TMEM229B: variants seen among roughly 807,000 people sequenced by gnomAD.
TMEM229B encodes the protein chromosome 14 open reading frame 83.
TMEM229B carries 6 observed loss-of-function variants against 13.7 expected under a neutral mutation model. The observed-to-expected ratio is 0.44, with a 90% CI of 0.24 to 0.86. The LOEUF is 0.86. Among genes scored for constraint, TMEM229B ranks in the 40% least tolerant of loss-of-function variants. The probability of loss-of-function intolerance (pLI) is 0.23; values close to 1 mark genes in which losing one functional copy is unlikely to be tolerated. For synonymous variants in TMEM229B, 107 were observed against 102.1 expected (o/e 1.05, Z -0.29); for missense variants, 170 against 236.0 (o/e 0.72, Z 1.83).
chr14:67,514,705 T>C (rs1312558913), intron 1 of TMEM229B, among the ~76,000 whole-genome samples: 1 of 151,844 alleles, frequency 6.6e-6, no homozygotes, highest in East Asian at 1.9e-4. Flanking sequence ...GCCTCCTGGG[T>C]GCTCTCCGCC....
upstream of TMEM229B, among the ~76,000 whole-genome samples, chr14:67,516,287 T>C (rs902051110): frequency 7.2e-5 from 11 of 152,092 alleles, no homozygotes; most frequent in Non-Finnish European, 1.5e-4. Flanking sequence ...GGGGTGTCCT[T>C]TTGTCACTAA....
chr14:67,495,386 G>A (rs185760603), intron 1 of TMEM229B, among the ~76,000 whole-genome samples: 9 of 152,208 alleles, frequency 5.9e-5, no homozygotes, highest in East Asian at 1.9e-4. Flanking sequence ...GAGTGTATCC[G>A]TATATGTAGT....
At chr14:67,518,999 G>T (rs2033249965), upstream of TMEM229B, among the ~76,000 whole-genome samples, 1 of 152,210 alleles carries the variant, frequency 6.6e-6, no homozygotes, top group Admixed American at 6.5e-5. Flanking sequence ...AGCCAATCTT[G>T]AATCTGGAAT....
upstream of TMEM229B, among the ~76,000 whole-genome samples, chr14:67,517,799 C>T (rs1034563191): frequency 9.2e-5 from 14 of 152,272 alleles, no homozygotes; most frequent in African/African-American, 3.4e-4. Flanking sequence ...AATTAAGGCT[C>T]AGAGAGGTTG....
chr14:67,504,857 AT>A (rs2032760406), intron 1 of TMEM229B, among the ~76,000 whole-genome samples: 1 of 152,168 alleles, frequency 6.6e-6, no homozygotes, highest in Non-Finnish European at 1.5e-5. Flanking sequence ...TTGCACTCCA[AT>A]CAGGGCAACA....
intron 2 of TMEM229B, among the ~76,000 whole-genome samples, chr14:67,483,815 G>A (rs1206658999): frequency 6.6e-6 from 1 of 152,156 alleles, no homozygotes; most frequent in African/African-American, 2.4e-5. Flanking sequence ...GGGGCCAGCT[G>A]CCCAGAGGAG....
At chr14:67,479,382 GC>G (rs1435369051) in intron 2 of TMEM229B, among the ~76,000 whole-genome samples, 1 of 148,778 alleles carries the variant, frequency 6.7e-6, no homozygotes, top group Non-Finnish European at 1.5e-5. Context: ...CTGCACTCCA[GC>G]CTGGGCTACA....
chr14:67,522,131 C>T (rs940677122), intron 1 of TMEM229B, among the ~76,000 whole-genome samples: 2 of 152,172 alleles, frequency 1.3e-5, no homozygotes, highest in African/African-American at 4.8e-5. Flanking sequence ...TGAGATCGTG[C>T]CACTGCACTC....
At chr14:67,527,374 G>T (rs759097552) in intron 1 of TMEM229B, among the ~76,000 whole-genome samples, 1 of 152,128 alleles carries the variant, frequency 6.6e-6, no homozygotes, top group Non-Finnish European at 1.5e-5. Context: ...GGAGCCGGAG[G>T]TTGCAGTGAG....
At chr14:67,532,898 A>G (rs1340861534) in intron 1 of TMEM229B, among the ~76,000 whole-genome samples, 3 of 150,712 alleles carry the variant, frequency 2.0e-5, no homozygotes, top group African/African-American at 7.3e-5. Context: ...GTCCCCCGCT[A>G]TTTGGGGTCA....
At chr14:67,497,826 G>T (rs1173402167) in intron 1 of TMEM229B, among the ~76,000 whole-genome samples, 1 of 151,996 alleles carries the variant, frequency 6.6e-6, no homozygotes, top group Admixed American at 6.6e-5. Context: ...CCTGTATCTT[G>T]TGGGTGTTTG....
chr14:67,483,592 C>T (rs768347644), intron 2 of TMEM229B, among the ~76,000 whole-genome samples: 3 of 152,242 alleles, frequency 2.0e-5, no homozygotes, highest in Non-Finnish European at 2.9e-5. Flanking sequence ...GCCTGTTCCT[C>T]GGGATCCACA....
At chr14:67,497,551 C>T (rs560801346) in intron 1 of TMEM229B, among the ~76,000 whole-genome samples, 49 of 152,236 alleles carry the variant, frequency 3.2e-4, no homozygotes, top group African/African-American at 6.0e-4. Flanking sequence ...GACTTTGGAA[C>T]GTTCTACTGG....
rs974189332 is a variant in TMEM229B, at chr14:67,531,475, A to C, written c.-192+2161T>G. Among the ~76,000 whole-genome samples, 4 of 152,030 alleles carry C rather than the reference A, an allele frequency of 2.6e-5. No homozygotes were observed. The East Asian group carries it at 5.8e-4, about 22-fold the overall frequency. Reference sequence around the variant, plus strand: ...TGGTGAGATGCACTCTATGGCCCCAAACTCATTGAAAGTAACAACTGAGCT... The same window carrying C: ...TGGTGAGATGCACTCTATGGCCCCACACTCATTGAAAGTAACAACTGAGCT... On this transcript the variant is annotated intron_variant, in intron 1 of 2. Transcript: ENST00000554278.
At chr14:67,513,870 A>G (rs1343864954) in intron 1 of TMEM229B, among the ~76,000 whole-genome samples, 1 of 152,072 alleles carries the variant, frequency 6.6e-6, no homozygotes, top group African/African-American at 2.4e-5. Context: ...AACTGAAGGC[A>G]CCTTGTTCCT....
chr14:67,506,780 T>G (rs1700034324), intron 1 of TMEM229B, among the ~76,000 whole-genome samples: 1 of 152,076 alleles, frequency 6.6e-6, no homozygotes, highest in Non-Finnish European at 1.5e-5. Flanking sequence ...AGTAAAGAGA[T>G]CGAGACCATC....
At chr14:67,504,165 C>G (rs2032728560) in intron 1 of TMEM229B, among the ~76,000 whole-genome samples, 1 of 152,140 alleles carries the variant, frequency 6.6e-6, no homozygotes, top group Admixed American at 6.5e-5. Flanking sequence ...AGGCGCCCAC[C>G]ACCATGCCCA....
intron 1 of TMEM229B, among the ~76,000 whole-genome samples, chr14:67,502,734 G>A (rs1348788475): frequency 1.3e-5 from 2 of 152,124 alleles, no homozygotes; most frequent in African/African-American, 2.4e-5. Context: ...TTATAGGCGT[G>A]AGCCACCGCG....
rs112629588 is a variant in TMEM229B at position 67,480,575 on chromosome 14, G to C, written c.-19+6425C>G. Reference sequence around the variant, plus strand: ...AGGCTCCAGGGGAACACACTGAGGCGGTCTGAGGGCCTGAGACAGATGGCA... The same window carrying C: ...AGGCTCCAGGGGAACACACTGAGGCCGTCTGAGGGCCTGAGACAGATGGCA... On this transcript the variant is annotated intron_variant, in intron 2 of 2. Coordinates refer to ENST00000554480, the MANE Select transcript of TMEM229B (RefSeq NM_001348543.2). Among the ~76,000 whole-genome samples, 3 of 152,186 alleles carry C rather than the reference G, an allele frequency of 2.0e-5. No homozygotes were observed. In the South Asian group the frequency reaches 6.2e-4, roughly 32 times the overall value.
Sources: allele counts gnomAD v4.1 joint callset (sites outside exome capture counted in the v4.1 genomes callset), GRCh38; gene constraint gnomAD v4.1.1; transcripts MANE v1.5; gene names NCBI Gene and HGNC (gene_info 2026-07-23, HGNC 2026-07-21).